The following CAMK4 variants were observed in gnomAD, a reference collection of about 807,000 sequenced individuals.
The protein encoded by CAMK4 is calcium/calmodulin-dependent protein kinase type IV.
In CAMK4, 22 loss-of-function variants were observed where a neutral mutation model predicts 44.9. That is an observed-to-expected ratio of 0.49 (90% CI 0.35 to 0.70). The LOEUF (loss-of-function observed/expected upper bound fraction) is 0.70, where lower values mean the gene tolerates loss of function less well. Ranked by LOEUF, CAMK4 falls within the 30% of genes least tolerant of loss-of-function variation. The pLI is 0.01. For synonymous variants in CAMK4, 218 were observed against 215.4 expected (o/e 1.01, Z -0.11); for missense variants, 498 against 586.8 (o/e 0.85, Z 1.56).
intron 6 of CAMK4, among the ~76,000 whole-genome samples, chr5:111,448,460 T>C (rs1016720635): frequency 7.2e-5 from 11 of 152,232 alleles, no homozygotes; most frequent in African/African-American, 2.7e-4. Context: ...GTTACATAAA[T>C]TTCAGAAGTA....
Position 111,484,881 on chromosome 5 carries a change from G to A in CAMK4, c.*415G>A, listed in dbSNP as rs1379941900. ...TAGCTAATACTAGGTAGTGCTAAAA[G>A]ACATGTTCCCATAACTTTTACAACA... On this transcript the variant is annotated 3_prime_UTR_variant, in exon 11 of 11. Transcript: ENST00000282356. This position sits in a 1 kb window ranked among gnomAD's most constrained non-coding sequence, Gnocchi z 5.3. 6.5e-6 allele frequency: 1 copy of A among 154,992 alleles called. No homozygotes were observed. The highest frequency in any genetic ancestry group is 6.5e-5 in the Admixed American group (1 of 15,336). 9.6% of individuals were successfully genotyped at this position (154,992 alleles called of 1,614,324 possible).
intron 1 of CAMK4, among the ~76,000 whole-genome samples, chr5:111,255,822 C>G (rs1326976802): frequency 6.6e-6 from 1 of 152,164 alleles, no homozygotes; most frequent in Non-Finnish European, 1.5e-5. Context: ...CTGCTCACCA[C>G]TGTTTTATAC....
chr5:111,290,683 G>A lies in CAMK4; in HGVS notation c.162-53341G>A, dbSNP rs538244693. ...TCCACTGGTGTTTCCACATTTGTGA[G>A]TTGCATATGTGCGGGTGCCATGGGG... On this transcript the variant is annotated intron_variant, in intron 1 of 10. Coordinates refer to ENST00000282356, the MANE Select transcript of CAMK4 (RefSeq NM_001744.6). This position sits in a 1 kb window ranked among gnomAD's most constrained non-coding sequence, Gnocchi z 4.5. Among the ~76,000 whole-genome samples, 2 of 152,166 alleles carry A rather than the reference G, an allele frequency of 1.3e-5. No individual in the cohort carries two copies. The highest frequency in any genetic ancestry group is 6.5e-5 in the Admixed American group (1 of 15,282).
chr5:111,309,178 A>G (rs939130821), intron 1 of CAMK4, among the ~76,000 whole-genome samples: 2 of 152,184 alleles, frequency 1.3e-5, no homozygotes, highest in African/African-American at 4.8e-5. Flanking sequence ...TCGCTTAACA[A>G]TTGTTGTGCT....
At chr5:111,372,557 T>G (rs1191715433) in intron 2 of CAMK4, among the ~76,000 whole-genome samples, 1 of 152,142 alleles carries the variant, frequency 6.6e-6, no homozygotes, top group Admixed American at 6.6e-5. Flanking sequence ...AGAGAGAGAT[T>G]ATCTGAGTCT....
At chr5:111,309,147 C>G (rs941134806) in intron 1 of CAMK4, among the ~76,000 whole-genome samples, 7 of 152,166 alleles carry the variant, frequency 4.6e-5, no homozygotes, top group Admixed American at 6.5e-5. Context: ...AGCTGACGGT[C>G]CAGGGCACCC....
intron 1 of CAMK4, among the ~76,000 whole-genome samples, chr5:111,323,122 A>G (rs1477493903): frequency 6.6e-6 from 1 of 152,134 alleles, no homozygotes; most frequent in Non-Finnish European, 1.5e-5. Context: ...CAAAGCTGGT[A>G]AAGAACATTA....
chr5:111,393,876 T>G (rs1036699109), intron 4 of CAMK4, among the ~76,000 whole-genome samples: 6 of 148,202 alleles, frequency 4.0e-5, no homozygotes, highest in African/African-American at 1.3e-4. Context: ...GTTTTGTGTT[T>G]TTTTTTTTTT....
intron 5 of CAMK4, among the ~76,000 whole-genome samples, chr5:111,440,962 A>C (rs1753803340): frequency 6.6e-6 from 1 of 152,180 alleles, no homozygotes; most frequent in Admixed American, 6.5e-5. Flanking sequence ...CATACTAAGT[A>C]ATTACACACC....
chr5:111,425,317 C>T (rs1157153793), intron 5 of CAMK4, among the ~76,000 whole-genome samples: 3 of 152,120 alleles, frequency 2.0e-5, no homozygotes, highest in Non-Finnish European at 2.9e-5. Context: ...TTTGTGAGGT[C>T]GTAAAATATA....
At chr5:111,399,990 A>G (rs1050746555) in intron 5 of CAMK4, among the ~76,000 whole-genome samples, 12 of 152,212 alleles carry the variant, frequency 7.9e-5, no homozygotes, top group African/African-American at 2.9e-4. Flanking sequence ...GAAATAAAAG[A>G]GTCCAAGAAG....
chr5:111,451,490 G>A (rs1467131689), intron 7 of CAMK4, among the ~76,000 whole-genome samples: 1 of 152,122 alleles, frequency 6.6e-6, no homozygotes, highest in Non-Finnish European at 1.5e-5. Flanking sequence ...GTTTCGCTAT[G>A]TTGGCCAGGC....
intron 8 of CAMK4, among the ~76,000 whole-genome samples, chr5:111,473,616 C>T (rs1755140845): frequency 6.6e-6 from 1 of 152,054 alleles, no homozygotes; most frequent in Non-Finnish European, 1.5e-5. Flanking sequence ...TGTCTATATC[C>T]ACTATGTAAT....
At chr5:111,318,630 T>C (rs1181513659) in intron 1 of CAMK4, among the ~76,000 whole-genome samples, 2 of 152,150 alleles carry the variant, frequency 1.3e-5, no homozygotes, top group African/African-American at 4.8e-5. Flanking sequence ...GCAGTGCCAC[T>C]TCTAATTCTA....
chr5:111,233,103 G>T (rs932678935), intron 1 of CAMK4, among the ~76,000 whole-genome samples: 7 of 152,064 alleles, frequency 4.6e-5, no homozygotes, highest in Non-Finnish European at 4.4e-5. Flanking sequence ...TTTTTAGATT[G>T]CAGACTCTAG....
At chr5:111,314,437 G>A (rs918671060) in intron 1 of CAMK4, among the ~76,000 whole-genome samples, 1 of 151,978 alleles carries the variant, frequency 6.6e-6, no homozygotes, top group Non-Finnish European at 1.5e-5. Flanking sequence ...TGCATATATT[G>A]TTCTTTATTT....
At chr5:111,383,223 A>T (rs763325332) in intron 4 of CAMK4, among the ~76,000 whole-genome samples, 1 of 152,192 alleles carries the variant, frequency 6.6e-6, no homozygotes, top group Non-Finnish European at 1.5e-5. Context: ...CATGAAGGGA[A>T]TGAGATCTAG....
chr5:111,482,769 T>C lies in CAMK4; in HGVS notation c.829-16T>C. 1 of 1,599,928 alleles carries C rather than the reference T, an allele frequency of 6.3e-7. No individual in the cohort carries two copies. Among genetic ancestry groups the C allele is most frequent in the Non-Finnish European group, 8.5e-7 (1 of 1,175,078 alleles). On this transcript the variant is annotated splice_polypyrimidine_tract_variant and intron_variant, in intron 9 of 10. Transcript: ENST00000282356. This position sits in a 1 kb window ranked among gnomAD's most constrained non-coding sequence, Gnocchi z 4.9. ...CCTAAAAACCTCGCTAAGTTTATGGTTCTTTATTATTTCAGGTCAGAAAAT... is the reference window on the plus strand; with the variant it reads ...CCTAAAAACCTCGCTAAGTTTATGGCTCTTTATTATTTCAGGTCAGAAAAT...
rs762306213 is a variant in CAMK4 at position 111,491,944 on chromosome 5, G to A, written c.*7478G>A. On this transcript the variant is annotated 3_prime_UTR_variant, in exon 11 of 11. Transcript: ENST00000282356. ...AGCTCAGGGAATACGCAAACAGCCAGCTCTTTTATGTAAGAAAGCCATTTT... is the reference window on the plus strand; with the variant it reads ...AGCTCAGGGAATACGCAAACAGCCAACTCTTTTATGTAAGAAAGCCATTTT... The A allele has an allele frequency of 1.1e-4, 17 of 152,168 alleles. No homozygotes were observed. Among genetic ancestry groups the A allele is most frequent in the Non-Finnish European group, 1.9e-4 (13 of 68,028 alleles). The allele number at this position is 152,168 out of a possible 1,614,324, so 9.4% of individuals were successfully genotyped here.
Sources: allele counts gnomAD v4.1 joint callset (sites outside exome capture counted in the v4.1 genomes callset), GRCh38; gene constraint gnomAD v4.1.1; non-coding constraint Gnocchi (gnomAD v3.1); transcripts MANE v1.5; gene names NCBI Gene and HGNC (gene_info 2026-07-23, HGNC 2026-07-21).